GPR12: variants seen among roughly 807,000 people sequenced by gnomAD.
GPR12 encodes the protein G protein-coupled receptor 12.
GPR12 carries 7 observed loss-of-function variants against 18.9 expected under a neutral mutation model. The ratio of observed to expected loss-of-function variants is 0.37; its 90% CI spans 0.21 to 0.70. GPR12 has a LOEUF of 0.70. Among genes scored for constraint, GPR12 ranks in the 30% least tolerant of loss-of-function variants. The probability of loss-of-function intolerance (pLI) is 0.54; values close to 1 mark genes in which losing one functional copy is unlikely to be tolerated. For synonymous variants in GPR12, 201 were observed against 188.6 expected (o/e 1.07, Z -0.54); for missense variants, 327 against 427.7 (o/e 0.76, Z 2.08).
chr13:26,755,823 T>G lies in GPR12; in HGVS notation c.*3000A>C, dbSNP rs941459706. The G allele has an allele frequency of 6.6e-6, 1 of 152,240 alleles. No individual in the cohort carries two copies. The highest frequency in any genetic ancestry group is 2.4e-5 in the African/African-American group (1 of 41,474). 9.4% of individuals were successfully genotyped at this position (152,240 alleles called of 1,614,324 possible). A position where few individuals can be genotyped will look rare whatever the true frequency, so the allele number is the denominator to read the frequency against. Reference sequence around the variant, plus strand: ...TTTCTACTGGAAAAATATCAATTCCTTGGTAGCTAGAAATTTTAATTATGT... The same window carrying G: ...TTTCTACTGGAAAAATATCAATTCCGTGGTAGCTAGAAATTTTAATTATGT... On this transcript the variant is annotated 3_prime_UTR_variant, in exon 2 of 2. Transcript: ENST00000405846.
At position 26,758,971 on chromosome 13, in the gene GPR12, G is replaced by A; in HGVS notation, c.857C>T (p.Thr286Ile). Residue 286 changes from threonine to isoleucine, a missense_variant, in exon 2 of 2, where the codon ACC becomes ATC. By Grantham distance (89) the Thr-to-Ile change is moderately conservative. Transcript: ENST00000405846. ...GGAATTGTAGGTGGCGGGCAGGAGG[G>A]TGGCGTAGGTATAGATGGAGGGGTA... is the stretch of plus-strand genomic sequence containing the variant. ...YTYPSIYTYATLLPATYNSII... is the reference protein window; with the variant it reads ...YTYPSIYTYAILLPATYNSII... 6.2e-7 allele frequency: 1 copy of A among 1,614,116 alleles called. No individual in the cohort carries two copies. Among genetic ancestry groups the A allele is most frequent in the Non-Finnish European group, 8.5e-7 (1 of 1,180,020 alleles).
In GPR12 at chr13:26,759,653, A is replaced by G; in HGVS notation, c.175T>C (p.Ser59Pro). The change falls in exon 2 of 2, where the codon TCC (serine) becomes CCC (proline). Residue 59 changes from serine (S) to proline (P), a missense_variant. Transcript: ENST00000405846. Reference protein sequence around the residue: ...IVLCTSGTLISCENAIVVLII... With the variant: ...IVLCTSGTLIPCENAIVVLII... ...AGGACCACAATGGCATTTTCACAGG[A>G]GATGAGGGTTCCCGAGGTACACAAG... 1 of 1,614,010 alleles carries G rather than the reference A, an allele frequency of 6.2e-7. No homozygotes were observed.
chr13:26,759,243 G>C lies in GPR12; in HGVS notation c.585C>G (p.Thr195=). 1 of 1,612,908 alleles carries C rather than the reference G, an allele frequency of 6.2e-7. No individual in the cohort carries two copies. The highest frequency in any genetic ancestry group is 8.5e-7 in the Non-Finnish European group (1 of 1,179,912). The part of the protein sequence containing the change: ...ESTCSVVRPL[T]KNNAAILSVS... The stretch of plus-strand genomic sequence containing the variant: ...CCGAGAGGATGGCCGCGTTGTTCTT[G>C]GTGAGCGGTCTGACCACGCTGCAGG... Residue 195 remains threonine (T), a synonymous_variant, in exon 2 of 2, where the codon ACC becomes ACG. Transcript: ENST00000405846.
At chr13:26,759,920 C>A in intron 1 of GPR12, 78 bp from the exon 2 acceptor site, 1 of 1,470,366 alleles carries the variant, frequency 6.8e-7, no homozygotes, top group Non-Finnish European at 9.0e-7. Flanking sequence ...AACACACAGA[C>A]AAACAGAAAG....
At position 26,758,512 on chromosome 13, in the gene GPR12, T is replaced by G; in HGVS notation, c.*311A>C. ...TACTTCTAATAACATCATGGGCGTA[T>G]CATATCCCTTCCTTTCCTACCCCCA... On this transcript the variant is annotated 3_prime_UTR_variant, in exon 2 of 2. Transcript: ENST00000405846. 1 of 310,690 alleles carries G rather than the reference T, an allele frequency of 3.2e-6. No homozygotes were observed. The highest frequency in any genetic ancestry group is 5.9e-6 in the Non-Finnish European group (1 of 168,252). 19.2% of individuals were successfully genotyped at this position (310,690 alleles called of 1,614,324 possible).
chr13:26,755,241 C>A lies in GPR12; in HGVS notation c.*3582G>T, dbSNP rs1183788357. ...AAGGCAGTCTTTTCCTTTATTATAC[C>A]AGGCATACAATCAATATAGAAACTT... is the stretch of plus-strand genomic sequence containing the variant. On this transcript the variant is annotated 3_prime_UTR_variant, in exon 2 of 2. Coordinates refer to ENST00000405846, the MANE Select transcript of GPR12 (RefSeq NM_005288.4). 6.6e-6 allele frequency: 1 copy of A among 152,062 alleles called. No homozygotes were observed. The highest frequency in any genetic ancestry group is 6.6e-5 in the Admixed American group (1 of 15,252). The allele number at this position is 152,062 out of a possible 1,614,324, so 9.4% of individuals were successfully genotyped here. A position where few individuals can be genotyped will look rare whatever the true frequency, so the allele number is the denominator to read the frequency against.
rs1438739983 is a variant in GPR12, at chr13:26,756,134, A to G, written c.*2689T>C. On this transcript the variant is annotated 3_prime_UTR_variant, in exon 2 of 2. Coordinates refer to ENST00000405846, the MANE Select transcript of GPR12 (RefSeq NM_005288.4). The stretch of plus-strand genomic sequence containing the variant: ...TCTCTTAGCTGAAACTATATGTTTT[A>G]AAAACATGGGCCAAAAGCAACCACG... 2.6e-5 allele frequency: 4 copies of G among 152,254 alleles called. No individual in the cohort carries two copies. The East Asian group carries it at 7.7e-4, about 29-fold the overall frequency. The allele number at this position is 152,254 out of a possible 1,614,324, so 9.4% of individuals were successfully genotyped here.
In GPR12 at chr13:26,756,033, T is replaced by C. The variant is rs1158606665; in HGVS notation, c.*2790A>G. 1 of 152,208 alleles carries C rather than the reference T, an allele frequency of 6.6e-6. No individual in the cohort carries two copies. The highest frequency in any genetic ancestry group is 2.4e-5 in the African/African-American group (1 of 41,452). The allele number at this position is 152,208 out of a possible 1,614,324, so 9.4% of individuals were successfully genotyped here. A position where few individuals can be genotyped will look rare whatever the true frequency, so the allele number is the denominator to read the frequency against. On this transcript the variant is annotated 3_prime_UTR_variant, in exon 2 of 2. Transcript: ENST00000405846. ...TAGCTCCACAGGAAAAAAGAAACCT[T>C]GTAGAAAACCACATAAATATCCAAC...
Position 26,758,838 on chromosome 13 carries a change from C to T in GPR12, c.990G>A (p.Ser330=), listed in dbSNP as rs760509127. The T allele has an allele frequency of 3.2e-5, 51 of 1,608,050 alleles. No individual in the cohort carries two copies. In the Middle Eastern group the frequency reaches 9.9e-4, roughly 31 times the overall value. The change falls in exon 2 of 2, where the codon TCG becomes TCA. Residue 330 remains serine (S), a synonymous_variant. Transcript: ENST00000405846. ...IPSSLAQRAR[S]PSDV ...TGCAAGGGTGCTACACATCACTGGG[C>T]GAGCGCGCTCTCTGGGCGAGACTGG...
Position 26,759,415 on chromosome 13 carries a change from C to G in GPR12, c.413G>C (p.Arg138Pro), listed in dbSNP as rs1246057226. 6.2e-7 allele frequency: 1 copy of G among 1,613,924 alleles called. No individual in the cohort carries two copies. Among genetic ancestry groups the G allele is most frequent in the Non-Finnish European group, 8.5e-7 (1 of 1,180,002 alleles). Residue 138 changes from arginine (R) to proline (P), a missense_variant, in exon 2 of 2, where the codon CGC (arginine) becomes CCC (proline). Arg to Pro is a moderately radical substitution (Grantham distance 103). Transcript: ENST00000405846. ...CAGAGCGTAGTACAGTGAGAGGTAG[C>G]GGTCAACAGTGATAGCCAGCAAGCT... ...VCSLLAITVD[R>P]YLSLYYALTY...
chr13:26,757,609 T>A lies in GPR12; in HGVS notation c.*1214A>T, dbSNP rs542779889. On this transcript the variant is annotated 3_prime_UTR_variant, in exon 2 of 2. Transcript: ENST00000405846. Reference sequence around the variant, plus strand: ...GAGTTAAAAGATTTCAAACTTAACTTTTCATCAACAGCCAATGGTCATTCT... The same window carrying A: ...GAGTTAAAAGATTTCAAACTTAACTATTCATCAACAGCCAATGGTCATTCT... The A allele has an allele frequency of 6.6e-6, 1 of 152,214 alleles. No individual in the cohort carries two copies. Among genetic ancestry groups the A allele is most frequent in the East Asian group, 1.9e-4 (1 of 5,202 alleles). 9.4% of individuals were successfully genotyped at this position (152,214 alleles called of 1,614,324 possible).
rs767659537 is a variant in GPR12 at position 26,759,720 on chromosome 13, T to C, written c.108A>G (p.Val36=). Residue 36 remains valine, a synonymous_variant, in exon 2 of 2, where the codon GTA becomes GTG. Coordinates refer to ENST00000405846, the MANE Select transcript of GPR12 (RefSeq NM_005288.4). ...TGACTACGAGCTCAGGCTCTGGCTC[T>C]ACGGCAGGAACCCGGGAGGAGACAG... The part of the protein sequence containing the change: ...SAAVSSRVPA[V]EPEPELVVNP... 4.3e-6 allele frequency: 7 copies of C among 1,613,696 alleles called. No homozygotes were observed. The Admixed American group carries it at 1.2e-4, about 27-fold the overall frequency.
At position 26,759,761 on chromosome 13, in the gene GPR12, C is replaced by T; in HGVS notation, c.67G>A (p.Glu23Lys). 1 of 1,611,128 alleles carries T rather than the reference C, an allele frequency of 6.2e-7. No individual in the cohort carries two copies. Among genetic ancestry groups the T allele is most frequent in the East Asian group, 2.2e-5 (1 of 44,734 alleles). The part of the protein sequence containing the change: ...PRDYLDAAAA[E>K]NISAAVSSRV... ...GAGGAGACAGCAGCCGAGATGTTCT[C>T]CGCAGCAGCGGCATCTAAATAATCC... The change falls in exon 2 of 2, where the codon GAG (glutamate) becomes AAG (lysine). Residue 23 changes from glutamate (E) to lysine (K), a missense_variant. Glu to Lys is a moderately conservative substitution (Grantham distance 56). Transcript: ENST00000405846.
In GPR12 at chr13:26,758,566, A is replaced by C. The variant is rs1320876738; in HGVS notation, c.*257T>G. 3 of 468,498 alleles carry C rather than the reference A, an allele frequency of 6.4e-6. No homozygotes were observed. The highest frequency in any genetic ancestry group is 1.1e-5 in the Non-Finnish European group (3 of 271,414). 29.0% of individuals were successfully genotyped at this position (468,498 alleles called of 1,614,324 possible). On this transcript the variant is annotated 3_prime_UTR_variant, in exon 2 of 2. Transcript: ENST00000405846. ...AGCCCTCCAAACAAAGTATAAAAGG[A>C]AACCCTTGCCCCCAAGCAAAACAAA...
At position 26,759,383 on chromosome 13, in the gene GPR12, G is replaced by C. The variant is rs1368570704; in HGVS notation, c.445C>G (p.His149Asp). The change falls in exon 2 of 2, where the codon CAT (histidine) becomes GAT (aspartate). Residue 149 changes from histidine to aspartate, a missense_variant. Transcript: ENST00000405846. Reference sequence around the variant, plus strand: ...GTAAACGTGACCGTCCTCTCCGAATGGTACGTCAGAGCGTAGTACAGTGAG... The same window carrying C: ...GTAAACGTGACCGTCCTCTCCGAATCGTACGTCAGAGCGTAGTACAGTGAG... Reference protein sequence around the residue: ...YLSLYYALTYHSERTVTFTYV... With the variant: ...YLSLYYALTYDSERTVTFTYV... 3.7e-6 allele frequency: 6 copies of C among 1,614,026 alleles called. No homozygotes were observed. Among genetic ancestry groups the C allele is most frequent in the Middle Eastern group, 1.6e-4 (1 of 6,062 alleles).
In GPR12 at chr13:26,759,835, C is replaced by A; in HGVS notation, c.-8G>T. ...CTTCAGGTCTTCATTCATTTTAACC[C>A]CTGTCCTCTTCAACGAAAAGACAGG... On this transcript the variant is annotated 5_prime_UTR_variant, in exon 2 of 2. Transcript: ENST00000405846. 1 of 1,550,556 alleles carries A rather than the reference C, an allele frequency of 6.4e-7. No homozygotes were observed. Among genetic ancestry groups the A allele is most frequent in the Non-Finnish European group, 8.7e-7 (1 of 1,147,888 alleles).
rs1189487429 is a variant in GPR12 at position 26,756,559 on chromosome 13, G to A, written c.*2264C>T. 6.6e-6 allele frequency: 1 copy of A among 152,192 alleles called. No homozygotes were observed. Among genetic ancestry groups the A allele is most frequent in the Non-Finnish European group, 1.5e-5 (1 of 68,050 alleles). 9.4% of individuals were successfully genotyped at this position (152,192 alleles called of 1,614,324 possible). On this transcript the variant is annotated 3_prime_UTR_variant, in exon 2 of 2. Transcript: ENST00000405846. ...TTACAAATCAGTTTCCTCAGCCCTG[G>A]TATCCACTGAGGGATGAAAGCTTGC...
chr13:26,760,097 G>A, intron 1 of GPR12: 1 of 391,002 alleles, frequency 2.6e-6, no homozygotes. Context: ...CAGCGTGAGC[G>A]AGGCAGGCAC....
chr13:26,758,127 T>G lies in GPR12; in HGVS notation c.*696A>C, dbSNP rs1446056180. The G allele has an allele frequency of 1.3e-5, 2 of 152,170 alleles. No homozygotes were observed. The highest frequency in any genetic ancestry group is 4.8e-5 in the African/African-American group (2 of 41,442). The allele number at this position is 152,170 out of a possible 1,614,324, so 9.4% of individuals were successfully genotyped here. A position where few individuals can be genotyped will look rare whatever the true frequency, so the allele number is the denominator to read the frequency against. ...TTGACATGGCAACATTTGAAACAAG[T>G]GGTCTAGCTAACACAGTCGACCATG... is the stretch of plus-strand genomic sequence containing the variant. On this transcript the variant is annotated 3_prime_UTR_variant, in exon 2 of 2. Coordinates refer to ENST00000405846, the MANE Select transcript of GPR12 (RefSeq NM_005288.4).
Sources: gnomAD v4.1 joint callset for allele counts on GRCh38, gnomAD v4.1.1 for gene constraint, MANE v1.5 for transcripts, NCBI Gene and HGNC (gene_info 2026-07-23, HGNC 2026-07-21) for gene names.